Variants in B4GALNT1 observed in about 807,000 individuals in gnomAD.
B4GALNT1 encodes the protein beta-1,4-N-acetyl-galactosaminyltransferase 1.
B4GALNT1 carries 43 observed loss-of-function variants against 55.2 expected under a neutral mutation model. The ratio of observed to expected loss-of-function variants is 0.78; its 90% confidence interval spans 0.61 to 1.00. B4GALNT1 has a LOEUF of 1.00. Ranked by LOEUF, B4GALNT1 falls within the 50% of genes least tolerant of loss-of-function variation. The pLI is 0.00. For missense variants in B4GALNT1, 664 were observed against 729.7 expected (o/e 0.91, Z 1.04); for synonymous variants, 305 against 311.6 (o/e 0.98, Z 0.22).
intron 6 of B4GALNT1, chr12:57,629,895 G>C (rs1349477856): frequency 1.3e-6 from 2 of 1,532,854 alleles, no homozygotes; most frequent in East Asian, 2.4e-5. Flanking sequence ...GTCTCTTCCT[G>C]GGGCCCCCCA....
Position 57,623,527 on chromosome 12 carries a change from T to G in B4GALNT1, c.*3217A>C. ...GGTTTCCCTTACTTTGCTGGTGCCC[T>G]AAACACATATACCCTGCTTATAGGG... On this transcript the variant is annotated 3_prime_UTR_variant, in exon 11 of 11. Coordinates refer to ENST00000341156, the MANE Select transcript of B4GALNT1 (RefSeq NM_001478.5). 1 of 465,172 alleles carries G rather than the reference T, an allele frequency of 2.1e-6. No individual in the cohort carries two copies. Among genetic ancestry groups the G allele is most frequent in the East Asian group, 4.0e-5 (1 of 25,230 alleles). The allele number at this position is 465,172 out of a possible 1,614,324, so 28.8% of individuals were successfully genotyped here.
intron 8 of B4GALNT1, 81 bp downstream of exon 8, chr12:57,628,632 C>G: frequency 6.5e-7 from 1 of 1,536,198 alleles, no homozygotes; most frequent in South Asian, 1.1e-5. Flanking sequence ...GTCCTCGAAT[C>G]ACTACCCTGG....
rs1040422412 is a variant in B4GALNT1 at position 57,632,813 on chromosome 12, C to G, written c.-43G>C. 6.6e-6 allele frequency: 1 copy of G among 151,554 alleles called. No individual in the cohort carries two copies. The highest frequency in any genetic ancestry group is 2.4e-5 in the African/African-American group (1 of 41,006). The allele number at this position is 151,554 out of a possible 1,614,324, so 9.4% of individuals were successfully genotyped here. ...GGCAGCGGCAAAATTTCGGTCCGGGCTGTGCCGGGCTCTCGCCCCGGCCTG... is the reference window on the plus strand; with the variant it reads ...GGCAGCGGCAAAATTTCGGTCCGGGGTGTGCCGGGCTCTCGCCCCGGCCTG... On this transcript the variant is annotated 5_prime_UTR_variant, in exon 1 of 11. Coordinates refer to ENST00000341156, the MANE Select transcript of B4GALNT1 (RefSeq NM_001478.5).
intron 6 of B4GALNT1, chr12:57,629,672 A>C (rs1352903776): frequency 9.1e-7 from 1 of 1,102,494 alleles, no homozygotes; most frequent in African/African-American, 1.6e-5. Flanking sequence ...AGTCTGCAAA[A>C]ATCTGGGGAA....
rs1269140893 is a variant in B4GALNT1 at position 57,626,868 on chromosome 12, G to C, written c.1478C>G (p.Ser493Ter). Reference sequence around the variant, plus strand: ...GTAAGTCTCTGCTCCGGCATCCCTTGATGTCCAAGGCAGCTTCAGTTTGGA... The same window carrying C: ...GTAAGTCTCTGCTCCGGCATCCCTTCATGTCCAAGGCAGCTTCAGTTTGGA... ...HASKLKLPWT[S>*]RDAGAETYAR... The change falls in exon 11 of 11, where the codon TCA becomes TGA. Residue 493 changes from serine (S) to a stop codon, truncating the protein, a stop_gained. Coordinates refer to ENST00000341156, the MANE Select transcript of B4GALNT1 (RefSeq NM_001478.5). LOFTEE classifies it high-confidence loss of function. The C allele has an allele frequency of 1.2e-6, 2 of 1,614,070 alleles. No homozygotes were observed. The highest frequency in any genetic ancestry group is 1.7e-6 in the Non-Finnish European group (2 of 1,180,048).
intron 9 of B4GALNT1, 24 bp from the exon 10 acceptor site, chr12:57,627,882 C>A (rs1172477476): frequency 6.4e-7 from 1 of 1,551,780 alleles, no homozygotes; most frequent in Admixed American, 1.8e-5. Context: ...GAGGTTGCCT[C>A]CAGGCGGGCC....
At position 57,627,773 on chromosome 12, in the gene B4GALNT1, C is replaced by T; in HGVS notation, c.1229G>A (p.Gly410Glu). The change falls in exon 10 of 11, where the codon GGG (glycine) becomes GAG (glutamate). Residue 410 changes from glycine (G) to glutamate (E), a missense_variant. Coordinates refer to ENST00000341156, the MANE Select transcript of B4GALNT1 (RefSeq NM_001478.5). Reference sequence around the variant, plus strand: ...GCCGCGCCTTTGCCGGAGGCAGTTCCCGAGGCCTGGGGCGCCGGGCTCCAC... The same window carrying T: ...GCCGCGCCTTTGCCGGAGGCAGTTCTCGAGGCCTGGGGCGCCGGGCTCCAC... ...LSVEPGAPGLGNCLRQRRGFH... is the reference protein window; with the variant it reads ...LSVEPGAPGLENCLRQRRGFH... The T allele has an allele frequency of 6.2e-7, 1 of 1,604,992 alleles. No individual in the cohort carries two copies. The highest frequency in any genetic ancestry group is 8.5e-7 in the Non-Finnish European group (1 of 1,175,528).
rs376963828 is a variant in B4GALNT1 at position 57,629,032 on chromosome 12, C to A, written c.811+16G>T. ...CAAGGCTGGTTCTAATATGTCCCTGCCCCTACCAGCCTCACCTCCCTGGGG... is the reference window on the plus strand; with the variant it reads ...CAAGGCTGGTTCTAATATGTCCCTGACCCTACCAGCCTCACCTCCCTGGGG... On this transcript the variant is annotated intron_variant, in intron 7 of 10. Transcript: ENST00000341156. 6.3e-6 allele frequency: 10 copies of A among 1,582,926 alleles called. No individual in the cohort carries two copies. In the African/African-American group the frequency reaches 1.2e-4, roughly 19 times the overall value.
Position 57,625,320 on chromosome 12 carries a change from T to A in B4GALNT1, c.*1424A>T. The A allele has an allele frequency of 6.2e-7, 1 of 1,613,908 alleles. No homozygotes were observed. Among genetic ancestry groups the A allele is most frequent in the Non-Finnish European group, 8.5e-7 (1 of 1,179,952 alleles). The stretch of plus-strand genomic sequence containing the variant: ...GCTGGGGCCAGAGAAGTGGTGCAGG[T>A]GAGGGAGAGGGTAGGTTGAGGAGAA... On this transcript the variant is annotated 3_prime_UTR_variant, in exon 11 of 11. Coordinates refer to ENST00000341156, the MANE Select transcript of B4GALNT1 (RefSeq NM_001478.5).
intron 1 of B4GALNT1, 100 bp from the exon 2 acceptor site, chr12:57,632,233 C>T (rs1205485123): frequency 5.1e-6 from 6 of 1,174,988 alleles, no homozygotes; most frequent in Middle Eastern, 3.8e-4. Flanking sequence ...CTGCCGGCTC[C>T]CAAGAGCGCT....
chr12:57,630,242 G>A lies in B4GALNT1; in HGVS notation c.622C>T (p.Leu208Phe), dbSNP rs748200995. The A allele has an allele frequency of 1.2e-6, 2 of 1,614,120 alleles. No individual in the cohort carries two copies. The highest frequency in any genetic ancestry group is 1.7e-6 in the Non-Finnish European group (2 of 1,180,048). Residue 208 changes from leucine (L) to phenylalanine (F), a missense_variant, in exon 6 of 11, where the codon CTT (leucine) becomes TTT (phenylalanine). Physicochemically the swap from Leu to Phe is conservative, Grantham distance 22. Coordinates refer to ENST00000341156, the MANE Select transcript of B4GALNT1 (RefSeq NM_001478.5). ...LTGEGQADLT[L>F]VSPGLDQLNR... ...AGTTGGTCCAGCCCTGGGCTGACAA[G>A]GGTGAGATCTGCCTGACCCTCTCCA... is the stretch of plus-strand genomic sequence containing the variant.
Position 57,625,142 on chromosome 12 carries a change from G to A in B4GALNT1, c.*1602C>T. 1 of 1,614,064 alleles carries A rather than the reference G, an allele frequency of 6.2e-7. No individual in the cohort carries two copies. Among genetic ancestry groups the A allele is most frequent in the Admixed American group, 1.7e-5 (1 of 60,008 alleles). ...TTATAGGAGACTTCAAAGCCAGATG[G>A]CCCAATGGTTGCAGGTGAGATGGGG... On this transcript the variant is annotated 3_prime_UTR_variant, in exon 11 of 11. Coordinates refer to ENST00000341156, the MANE Select transcript of B4GALNT1 (RefSeq NM_001478.5).
At chr12:57,627,936 C>T in intron 9 of B4GALNT1, 78 bp from the exon 10 acceptor site, 1 of 1,474,450 alleles carries the variant, frequency 6.8e-7, no homozygotes, top group Non-Finnish European at 9.0e-7. Context: ...GCTCCGGTGC[C>T]TTCGGGGGTA....
Position 57,631,029 on chromosome 12 carries a change from G to A in B4GALNT1, c.441C>T (p.Tyr147=), listed in dbSNP as rs1258973315. 6.2e-7 allele frequency: 1 copy of A among 1,613,200 alleles called. No individual in the cohort carries two copies. The highest frequency in any genetic ancestry group is 1.3e-5 in the African/African-American group (1 of 74,900). ...LIAPANSPLQ[Y]PLQGVEVQPL... is the part of the protein sequence containing the mutation. ...GCTGAACTTCCACACCCTGTAGGGGGTACTGGAGCGGGGAGTTGGCAGGGG... is the reference window on the plus strand; with the variant it reads ...GCTGAACTTCCACACCCTGTAGGGGATACTGGAGCGGGGAGTTGGCAGGGG... The change falls in exon 4 of 11, where the codon TAC becomes TAT. Residue 147 remains tyrosine (Y), a synonymous_variant. Transcript: ENST00000341156.
intron 2 of B4GALNT1, among the ~76,000 whole-genome samples, chr12:57,631,698 C>G (rs1403420744): frequency 3.9e-5 from 6 of 152,278 alleles, no homozygotes; most frequent in Non-Finnish European, 8.8e-5. Context: ...ACTGCACAAC[C>G]TCCCACGCCC....
In B4GALNT1 at chr12:57,629,044, T is replaced by C; in HGVS notation, c.811+4A>G. ...TAATATGTCCCTGCCCCTACCAGCC[T>C]CACCTCCCTGGGGTAGAGACCCAGG... On this transcript the variant is annotated splice_donor_region_variant and intron_variant, in intron 7 of 10. Transcript: ENST00000341156. 6.3e-7 allele frequency: 1 copy of C among 1,582,990 alleles called. No individual in the cohort carries two copies. The highest frequency in any genetic ancestry group is 8.6e-7 in the Non-Finnish European group (1 of 1,159,864).
Position 57,623,984 on chromosome 12 carries a change from C to T in B4GALNT1, c.*2760G>A, listed in dbSNP as rs763152859. 6.2e-6 allele frequency: 10 copies of T among 1,611,858 alleles called. No homozygotes were observed. Among genetic ancestry groups the T allele is most frequent in the Middle Eastern group, 1.7e-4 (1 of 6,048 alleles). ...ATTCCAGGACATCGAGGTAGTCAGC[C>T]CACCTCCTCTGCCTCAAGGCTGTCC... On this transcript the variant is annotated 3_prime_UTR_variant, in exon 11 of 11. Coordinates refer to ENST00000341156, the MANE Select transcript of B4GALNT1 (RefSeq NM_001478.5).
chr12:57,630,696 G>A (rs575805722), intron 4 of B4GALNT1, among the ~76,000 whole-genome samples, 178 bp from the exon 5 acceptor site: 6 of 152,284 alleles, frequency 3.9e-5, no homozygotes, highest in East Asian at 1.9e-4. Flanking sequence ...AGCCCGTCCC[G>A]TCAAAGCTTG....
In B4GALNT1 at chr12:57,628,048, C is replaced by T. The variant is rs1884956014; in HGVS notation, c.1143+74G>A. 2.5e-6 allele frequency: 4 copies of T among 1,581,026 alleles called. No individual in the cohort carries two copies. In the African/African-American group the frequency reaches 4.0e-5, roughly 16 times the overall value. ...TGTCCTAGGGCTGGCCGTTCCTGGC[C>T]GCAGCGCCCCCGCTGTGGCCTTAGC... On this transcript the variant is annotated intron_variant, in intron 9 of 10. Coordinates refer to ENST00000341156, the MANE Select transcript of B4GALNT1 (RefSeq NM_001478.5).
Sources: gnomAD v4.1 joint callset for allele counts (sites outside exome capture counted in the v4.1 genomes callset) on GRCh38, gnomAD v4.1.1 for gene constraint, MANE v1.5 for transcripts, NCBI Gene and HGNC (gene_info 2026-07-23, HGNC 2026-07-21) for gene names.